AGBL4: variants seen among roughly 807,000 people sequenced by gnomAD.
AGBL4 encodes cytosolic carboxypeptidase 6.
In AGBL4, 58 loss-of-function variants were observed where a neutral mutation model predicts 66.4. That is an observed-to-expected ratio of 0.87 (90% CI 0.71 to 1.09). AGBL4 has a LOEUF of 1.09. Ranked by LOEUF, AGBL4 falls within the 50% of genes least tolerant of loss-of-function variation. The probability of loss-of-function intolerance (pLI) is 0.00; values close to 1 mark genes in which losing one functional copy is unlikely to be tolerated. For missense variants in AGBL4, 579 were observed against 631.0 expected (o/e 0.92, Z 0.88); for synonymous variants, 234 against 222.9 (o/e 1.05, Z -0.44).
At chr1:49,286,188 A>G (rs1449957604) in intron 3 of AGBL4, among the ~76,000 whole-genome samples, 1 of 152,214 alleles carries the variant, frequency 6.6e-6, no homozygotes, top group African/African-American at 2.4e-5. Flanking sequence ...CTCTCAATAA[A>G]TTAGGTATTG....
chr1:49,743,140 T>C (rs564713176), intron 2 of AGBL4, among the ~76,000 whole-genome samples: 1 of 152,296 alleles, frequency 6.6e-6, no homozygotes, highest in African/African-American at 2.4e-5. Context: ...AGAAGATTTT[T>C]GCAATCTACT....
chr1:49,236,142 G>C (rs1406339550), intron 4 of AGBL4, among the ~76,000 whole-genome samples: 1 of 152,018 alleles, frequency 6.6e-6, no homozygotes, highest in Admixed American at 6.6e-5. Flanking sequence ...TGATTCTTCT[G>C]CCTCAGCTTC....
At chr1:48,998,213 T>C (rs1261901705) in intron 5 of AGBL4, among the ~76,000 whole-genome samples, 1 of 152,210 alleles carries the variant, frequency 6.6e-6, no homozygotes, top group Non-Finnish European at 1.5e-5. Context: ...TTAAGAAAAG[T>C]GAAATGATTT....
At chr1:49,940,933 G>T (rs1439561075) in intron 1 of AGBL4, among the ~76,000 whole-genome samples, 1 of 151,948 alleles carries the variant, frequency 6.6e-6, no homozygotes, top group Non-Finnish European at 1.5e-5. Flanking sequence ...TTTAGCTTAA[G>T]TGAGAAGGAA....
chr1:48,782,874 T>C (rs535382292), intron 6 of AGBL4, among the ~76,000 whole-genome samples: 1 of 152,368 alleles, frequency 6.6e-6, no homozygotes, highest in African/African-American at 2.4e-5. Flanking sequence ...TATGGTATCA[T>C]ACAGACTAAC....
At chr1:49,388,475 G>C (rs1312597774) in intron 3 of AGBL4, among the ~76,000 whole-genome samples, 1 of 152,088 alleles carries the variant, frequency 6.6e-6, no homozygotes, top group African/African-American at 2.4e-5. Flanking sequence ...CCTAGAGGAA[G>C]GCATGCTATT....
intron 3 of AGBL4, among the ~76,000 whole-genome samples, chr1:49,511,512 G>A (rs1649250774): frequency 6.7e-6 from 1 of 149,628 alleles, no homozygotes; most frequent in African/African-American, 2.5e-5. Context: ...GCTAGATGAC[G>A]AGTTAGTGGG....
At chr1:49,056,715 T>C (rs551104596) in intron 4 of AGBL4, among the ~76,000 whole-genome samples, 3 of 152,218 alleles carry the variant, frequency 2.0e-5, no homozygotes, top group East Asian at 3.9e-4. Context: ...TGGGTAGCTA[T>C]TGTGGCTGTC....
At chr1:49,667,073 T>C (rs746476101) in intron 3 of AGBL4, among the ~76,000 whole-genome samples, 1 of 152,148 alleles carries the variant, frequency 6.6e-6, no homozygotes, top group African/African-American at 2.4e-5. Flanking sequence ...AACAAGAAGA[T>C]AGTTGTGAGA....
chr1:48,782,360 G>A (rs766595309), intron 6 of AGBL4, among the ~76,000 whole-genome samples: 1 of 152,182 alleles, frequency 6.6e-6, no homozygotes, highest in South Asian at 2.1e-4. Flanking sequence ...GGCTCCTTTG[G>A]TTTAGCCAGC....
intron 3 of AGBL4, among the ~76,000 whole-genome samples, chr1:49,531,751 T>A (rs1454593857): frequency 6.6e-6 from 1 of 152,076 alleles, no homozygotes. Flanking sequence ...GAGCAGATCT[T>A]TAATTTGAAT....
intron 6 of AGBL4, among the ~76,000 whole-genome samples, chr1:48,826,121 A>G (rs1646422397): frequency 6.6e-6 from 1 of 152,122 alleles, no homozygotes; most frequent in Non-Finnish European, 1.5e-5. Context: ...AATCTCAGGT[A>G]ATGAGGATCT....
rs1386633456 is a variant in AGBL4, at chr1:49,575,205, T to C, written c.282+122108A>G. 2.0e-5 allele frequency among the ~76,000 whole-genome samples: 3 copies of C among 152,170 alleles called. No homozygotes were observed. In the East Asian group the frequency reaches 5.8e-4, roughly 29 times the overall value. On this transcript the variant is annotated intron_variant, in intron 3 of 13. Transcript: ENST00000371839. ...TGATTCTAGGGGACCCAAAACATCATTGTCATCCTCCAGTTAAAGTAGGGG... is the reference window on the plus strand; with the variant it reads ...TGATTCTAGGGGACCCAAAACATCACTGTCATCCTCCAGTTAAAGTAGGGG...
intron 6 of AGBL4, among the ~76,000 whole-genome samples, chr1:48,823,840 G>C (rs1171007861): frequency 1.3e-5 from 2 of 152,146 alleles, no homozygotes; most frequent in Non-Finnish European, 1.5e-5. Context: ...TTGAATTTCA[G>C]GTCTATTTAT....
At chr1:49,642,356 C>A (rs913128392) in intron 3 of AGBL4, among the ~76,000 whole-genome samples, 2 of 151,912 alleles carry the variant, frequency 1.3e-5, no homozygotes, top group African/African-American at 2.4e-5. Context: ...ATGATTGTCC[C>A]ACCCTATTGT....
intron 6 of AGBL4, among the ~76,000 whole-genome samples, chr1:48,827,995 TACACACACACACACAC>T (rs375257744): frequency 1.2e-4 from 14 of 116,976 alleles, no homozygotes; most frequent in African/African-American, 2.9e-4. Flanking sequence ...CTACTAAAAA[TACACACACACACACAC>T]ACACACACAC....
At chr1:49,917,440 T>C (rs1334995705) in intron 1 of AGBL4, among the ~76,000 whole-genome samples, 1 of 151,898 alleles carries the variant, frequency 6.6e-6, no homozygotes. Flanking sequence ...AATCCTACTG[T>C]CCGATAAAAC....
At chr1:49,632,545 C>A (rs1237318338) in intron 3 of AGBL4, among the ~76,000 whole-genome samples, 2 of 152,146 alleles carry the variant, frequency 1.3e-5, no homozygotes, top group East Asian at 3.9e-4. Flanking sequence ...TGCCTTTTCA[C>A]ATGGTCTGGG....
intron 3 of AGBL4, among the ~76,000 whole-genome samples, chr1:49,360,895 C>T (rs1326846979): frequency 6.6e-6 from 1 of 151,906 alleles, no homozygotes; most frequent in East Asian, 1.9e-4. Flanking sequence ...CTTCCAGGTT[C>T]AAGCAATTCT....
Sources: allele counts gnomAD v4.1 joint callset (sites outside exome capture counted in the v4.1 genomes callset), GRCh38; gene constraint gnomAD v4.1.1; transcripts MANE v1.5; gene names NCBI Gene and HGNC (gene_info 2026-07-23, HGNC 2026-07-21).